Variants in BMS1 observed in about 807,000 individuals in gnomAD.
BMS1 encodes the protein BMS1 ribosome biogenesis factor.
In BMS1, 53 loss-of-function variants were observed where a neutral mutation model predicts 138.7. That is an observed-to-expected ratio of 0.38 (90% confidence interval 0.31 to 0.48). The LOEUF (loss-of-function observed/expected upper bound fraction) is 0.48, where lower values mean the gene tolerates loss of function less well. BMS1 is among the 20% of genes least tolerant of loss of function. BMS1 has a pLI of 0.97. For synonymous variants in BMS1, 504 were observed against 539.9 expected, an observed-to-expected ratio of 0.93 and a Z score of 0.92; for missense variants, 1,360 against 1,565.5, an observed-to-expected ratio of 0.87 and a Z score of 2.22.
Position 42,793,135 on chromosome 10 carries a change from C to T in BMS1, c.1080C>T (p.His360=), listed in dbSNP as rs1194605534. ...TCTATGTTGACCTTGGTGGCAGCCA[C>T]GTTTTTCAGGTATCGGTGAGACGGG... ...DAVYVDLGGS[H]VFQDEVGPTH... The change falls in exon 8 of 23, where the codon CAC becomes CAT. Residue 360 remains histidine (H), a synonymous_variant. Coordinates refer to ENST00000374518, the MANE Select transcript of BMS1 (RefSeq NM_014753.4). The T allele has an allele frequency of 9.3e-6, 15 of 1,605,386 alleles. No homozygotes were observed. Among genetic ancestry groups the T allele is most frequent in the Admixed American group, 5.2e-5 (3 of 58,190 alleles).
intron 12 of BMS1, among the ~76,000 whole-genome samples, chr10:42,799,792 G>A (rs1201528942): frequency 6.6e-6 from 1 of 151,956 alleles, no homozygotes; most frequent in African/African-American, 2.4e-5. Flanking sequence ...TTTTCTTCCT[G>A]GTTTCCTCCT....
Position 42,830,271 on chromosome 10 carries a change from G to T in BMS1, c.3467G>T (p.Arg1156Met), listed in dbSNP as rs978632695. Residue 1156 changes from arginine to methionine, a missense_variant, in exon 22 of 23, where the codon AGG becomes ATG. Physicochemically the swap from Arg to Met is moderately conservative, Grantham distance 91 (BLOSUM62 -1). Transcript: ENST00000374518. Reference sequence around the variant, plus strand: ...TGTTTTTCTTTTCAGCCAATCCTGAGGCAAAAGAAACATTTTAATTCACTG... The same window carrying T: ...TGTTTTTCTTTTCAGCCAATCCTGATGCAAAAGAAACATTTTAATTCACTG... The part of the protein sequence containing the change: ...NKDSLYKPIL[R>M]QKKHFNSLHI... 6.2e-7 allele frequency: 1 copy of T among 1,611,770 alleles called. No homozygotes were observed. Among genetic ancestry groups the T allele is most frequent in the African/African-American group, 1.3e-5 (1 of 74,700 alleles).
intron 13 of BMS1, among the ~76,000 whole-genome samples, chr10:42,803,832 A>G (rs540302876): frequency 6.6e-6 from 1 of 152,220 alleles, no homozygotes; most frequent in Non-Finnish European, 1.5e-5. Context: ...ATATACCATC[A>G]CCACAATCAA....
At chr10:42,806,388 A>T (rs1485901681) in intron 13 of BMS1, among the ~76,000 whole-genome samples, 1 of 152,232 alleles carries the variant, frequency 6.6e-6, no homozygotes, top group African/African-American at 2.4e-5. Context: ...ATTAGAAGTC[A>T]AAGTAAACAA....
chr10:42,801,776 C>T (rs1038823877), intron 12 of BMS1, among the ~76,000 whole-genome samples: 1 of 152,206 alleles, frequency 6.6e-6, no homozygotes, highest in African/African-American at 2.4e-5. Context: ...ATTCAGTTTT[C>T]AAACAGGTTT....
intron 12 of BMS1, among the ~76,000 whole-genome samples, chr10:42,800,233 C>G (rs1328136883): frequency 2.6e-5 from 4 of 152,104 alleles, no homozygotes; most frequent in Non-Finnish European, 5.9e-5. Flanking sequence ...AAACATCTAG[C>G]AGTTGGATGG....
rs113912315 is a variant in BMS1, at chr10:42,796,853, A to G, written c.1609A>G (p.Ile537Val). The G allele has an allele frequency of 1.2e-6, 2 of 1,614,250 alleles. No homozygotes were observed. The highest frequency in any genetic ancestry group is 1.7e-6 in the Non-Finnish European group (2 of 1,180,052). Residue 537 changes from isoleucine to valine, a missense_variant, in exon 10 of 23, where the codon ATT becomes GTT. Physicochemically the swap from Ile to Val is conservative, Grantham distance 29. Coordinates refer to ENST00000374518, the MANE Select transcript of BMS1 (RefSeq NM_014753.4). The stretch of plus-strand genomic sequence containing the variant: ...GGACTGCACTGCAGGAGAGAAGGGC[A>G]TTTCAGGATCAAAGGCTGCTGGAGA... ...EEDCTAGEKGISGSKAAGEGS... is the reference protein window; with the variant it reads ...EEDCTAGEKGVSGSKAAGEGS...
At chr10:42,823,870 A>G (rs3087946) in intron 21 of BMS1, 86 bp downstream of exon 21, 1 of 1,141,104 alleles carries the variant, frequency 8.8e-7, no homozygotes, top group Middle Eastern at 3.3e-4. Context: ...AATTTCTTAC[A>G]TGCTTTGAAT....
rs1303532210 is a variant in BMS1, at chr10:42,834,303, C to G, written c.*3207C>G. On this transcript the variant is annotated 3_prime_UTR_variant, in exon 23 of 23. Transcript: ENST00000374518. ...TTAAGTATTATCATTTGGTGACATGCCCGCCATTTCAGAAATAAATGTTTG... is the reference window on the plus strand; with the variant it reads ...TTAAGTATTATCATTTGGTGACATGGCCGCCATTTCAGAAATAAATGTTTG... The G allele has an allele frequency of 6.6e-6, 1 of 152,044 alleles. No homozygotes were observed. The highest frequency in any genetic ancestry group is 1.5e-5 in the Non-Finnish European group (1 of 68,032). The allele number at this position is 152,044 out of a possible 1,614,324, so 9.4% of individuals were successfully genotyped here. A position where few individuals can be genotyped will look rare whatever the true frequency, so the allele number is the denominator to read the frequency against.
intron 13 of BMS1, 57 bp downstream of exon 13, chr10:42,802,275 C>G: frequency 6.7e-7 from 1 of 1,486,862 alleles, no homozygotes; most frequent in Non-Finnish European, 9.3e-7. Flanking sequence ...TTATTTTCTT[C>G]AGTATCTTAG....
In BMS1 at chr10:42,792,533, A is replaced by T; in HGVS notation, c.820A>T (p.Ile274Phe). ...AAACCCAGAGGATATCCGAACAAACATCAAATGTGACCGGAAGGTGTCACT... is the reference window on the plus strand; with the variant it reads ...AAACCCAGAGGATATCCGAACAAACTTCAAATGTGACCGGAAGGTGTCACT... ...LTNPEDIRTN[I>F]KCDRKVSLYG... Residue 274 changes from isoleucine to phenylalanine, a missense_variant, in exon 7 of 23, where the codon ATC becomes TTC. By Grantham distance (21) the Ile-to-Phe change is conservative. Coordinates refer to ENST00000374518, the MANE Select transcript of BMS1 (RefSeq NM_014753.4). 1 of 1,611,080 alleles carries T rather than the reference A, an allele frequency of 6.2e-7. No homozygotes were observed.
rs1698998651 is a variant in BMS1, at chr10:42,831,263, T to A, written c.*167T>A. On this transcript the variant is annotated 3_prime_UTR_variant, in exon 23 of 23. Coordinates refer to ENST00000374518, the MANE Select transcript of BMS1 (RefSeq NM_014753.4). ...ACAGAGAAGCCTGGGCTGCTGGGAC[T>A]GGGTTCATTCTCATGACTTGGGGCT... 7.0e-6 allele frequency: 5 copies of A among 716,764 alleles called. No individual in the cohort carries two copies. The South Asian group carries it at 9.9e-5, about 14-fold the overall frequency. The allele number at this position is 716,764 out of a possible 1,614,324, so 44.4% of individuals were successfully genotyped here. A position where few individuals can be genotyped will look rare whatever the true frequency, so the allele number is the denominator to read the frequency against.
At chr10:42,792,285 A>T (rs1428669796) in intron 6 of BMS1, among the ~76,000 whole-genome samples, 1 of 152,158 alleles carries the variant, frequency 6.6e-6, no homozygotes, top group Admixed American at 6.5e-5. Context: ...GTCTTATGGA[A>T]TGAATATCAC....
At position 42,831,026 on chromosome 10, in the gene BMS1, G is replaced by C. The variant is rs1223922944; in HGVS notation, c.3779G>C (p.Arg1260Thr). The C allele has an allele frequency of 6.3e-7, 1 of 1,595,286 alleles. No individual in the cohort carries two copies. The highest frequency in any genetic ancestry group is 8.5e-7 in the Non-Finnish European group (1 of 1,169,886). ...AAGGACCTCAGGAAGAAGCTCTTCA[G>C]AATTCAGGGGCAGAAGGAAAGAAGA... ...RQKDLRKKLF[R>T]IQGQKERRNQ... Residue 1260 changes from arginine (R) to threonine (T), a missense_variant, in exon 23 of 23, where the codon AGA becomes ACA. Arg to Thr is a moderately conservative substitution (Grantham distance 71). This residue lies in a region of BMS1 where 425 missense variants were observed against 568.3 expected (regional missense o/e 0.75). Coordinates refer to ENST00000374518, the MANE Select transcript of BMS1 (RefSeq NM_014753.4).
Position 42,796,503 on chromosome 10 carries a change from T to C in BMS1, c.1259T>C (p.Met420Thr). Residue 420 changes from methionine (M) to threonine (T), a missense_variant, in exon 10 of 23, where the codon ATG (methionine) becomes ACG (threonine). Around this residue, in one of 3 missense-constraint regions of BMS1, gnomAD observed 697 missense variants for 686.2 expected, o/e 1.02. Transcript: ENST00000374518. ...GLMMPKEEKQMDLNTGRMRRK... is the reference protein window; with the variant it reads ...GLMMPKEEKQTDLNTGRMRRK... ...ATGATGCCAAAGGAGGAAAAACAAA[T>C]GGACTTGAACACTGGTCGAATGCGT... is the stretch of plus-strand genomic sequence containing the variant. 4.3e-6 allele frequency: 7 copies of C among 1,613,402 alleles called. No individual in the cohort carries two copies. Among genetic ancestry groups the C allele is most frequent in the African/African-American group, 1.3e-5 (1 of 75,028 alleles).
At chr10:42,819,024 T>A (rs1197580213) in intron 15 of BMS1, among the ~76,000 whole-genome samples, 1 of 152,194 alleles carries the variant, frequency 6.6e-6, no homozygotes, top group African/African-American at 2.4e-5. Context: ...AGCACCAATT[T>A]TCATGGATGT....
chr10:42,807,040 T>G (rs771935611), intron 13 of BMS1, among the ~76,000 whole-genome samples: 5 of 152,150 alleles, frequency 3.3e-5, no homozygotes, highest in Admixed American at 6.6e-5. Context: ...CACTTATGTG[T>G]GTGTGTGTGT....
At chr10:42,789,784 T>C (rs1841446806) in intron 4 of BMS1, among the ~76,000 whole-genome samples, 2 of 152,190 alleles carry the variant, frequency 1.3e-5, no homozygotes, top group African/African-American at 4.8e-5. Context: ...ATGTATTTCA[T>C]TGATTATGAC....
At position 42,831,805 on chromosome 10, in the gene BMS1, C is replaced by A. The variant is rs1194744625; in HGVS notation, c.*709C>A. ...TCGTATGTATCAGTGAGATAGGCTT[C>A]CCGTATTATGCTCATGCGTTATACC... On this transcript the variant is annotated 3_prime_UTR_variant, in exon 23 of 23. Coordinates refer to ENST00000374518, the MANE Select transcript of BMS1 (RefSeq NM_014753.4). 1 of 152,334 alleles carries A rather than the reference C, an allele frequency of 6.6e-6. No homozygotes were observed. The highest frequency in any genetic ancestry group is 2.1e-4 in the South Asian group (1 of 4,826). 9.4% of individuals were successfully genotyped at this position (152,334 alleles called of 1,614,324 possible).
Sources: gnomAD v4.1 joint callset for allele counts (sites outside exome capture counted in the v4.1 genomes callset) on GRCh38, gnomAD v4.1.1 for gene constraint, gnomAD v4.1.1 regional missense constraint, MANE v1.5 for transcripts, NCBI Gene and HGNC (gene_info 2026-07-23, HGNC 2026-07-21) for gene names.